The following PRDM11 variants were observed in gnomAD, a reference collection of about 807,000 sequenced individuals.
The protein encoded by PRDM11 is PR domain-containing protein 11.
A neutral mutation model predicts 97.8 loss-of-function variants in PRDM11; 20 were observed. The ratio of observed to expected loss-of-function variants is 0.20; its 90% CI spans 0.14 to 0.30. The LOEUF (loss-of-function observed/expected upper bound fraction) is 0.30. PRDM11 is among the 10% of genes least tolerant of loss of function. PRDM11 has a pLI of 1.00. For synonymous variants in PRDM11, 599 were observed against 637.7 expected (o/e 0.94, Z 0.91); for missense variants, 1,139 against 1,555.2 (o/e 0.73, Z 4.50).
intron 1 of PRDM11, among the ~76,000 whole-genome samples, chr11:45,123,461 G>T (rs201260947): frequency 1.3e-5 from 2 of 149,504 alleles, no homozygotes; most frequent in Non-Finnish European, 3.0e-5. Flanking sequence ...TTCTTCTAGG[G>T]TTTTTTATGG....
chr11:45,113,808 G>A (rs56297027), intron 1 of PRDM11, among the ~76,000 whole-genome samples: 2,433 of 69,736 alleles, frequency 0.035, 94 homozygotes, highest in Admixed American at 0.069. Context: ...GTGTGTGTGT[G>A]TGTGTGTGTG....
intron 1 of PRDM11, among the ~76,000 whole-genome samples, chr11:45,155,623 G>T (rs995811117): frequency 1.3e-5 from 2 of 152,046 alleles, no homozygotes; most frequent in Non-Finnish European, 2.9e-5. Context: ...TGGAGAGGGG[G>T]TGCAGGGGTG....
intron 1 of PRDM11, among the ~76,000 whole-genome samples, chr11:45,163,049 C>A (rs778205179): frequency 6.6e-6 from 1 of 152,178 alleles, no homozygotes; most frequent in African/African-American, 2.4e-5. Flanking sequence ...CTGGGATGCT[C>A]TCAACTGTGT....
At chr11:45,209,226 C>T (rs888967587) in intron 5 of PRDM11, 7 of 420,504 alleles carry the variant, frequency 1.7e-5, no homozygotes, top group Non-Finnish European at 2.9e-5. Flanking sequence ...GTCGGCGCTG[C>T]TCACGGCCCG....
chr11:45,180,251 G>A (rs1469595194), intron 1 of PRDM11, among the ~76,000 whole-genome samples: 2 of 152,240 alleles, frequency 1.3e-5, no homozygotes, highest in Non-Finnish European at 2.9e-5. Context: ...CACCCAGCGG[G>A]GAGTCCCTGG....
chr11:45,138,018 C>A (rs546972689), intron 1 of PRDM11, among the ~76,000 whole-genome samples: 1 of 152,102 alleles, frequency 6.6e-6, no homozygotes. Flanking sequence ...CTACACCACA[C>A]GGGGAAAACA....
Position 45,229,512 on chromosome 11 carries a change from A to T in PRDM11, c.*1353A>T, listed in dbSNP as rs1175193325. The T allele has an allele frequency of 8.1e-6, 1 of 123,342 alleles. No individual in the cohort carries two copies. The highest frequency in any genetic ancestry group is 2.8e-5 in the African/African-American group (1 of 36,288). 7.6% of individuals were successfully genotyped at this position (123,342 alleles called of 1,614,324 possible). The stretch of plus-strand genomic sequence containing the variant: ...CACACACACACACAGACACACACAC[A>T]CACACACAATCACAATATACAATAT... On this transcript the variant is annotated 3_prime_UTR_variant, in exon 8 of 8. Transcript: ENST00000683152.
chr11:45,129,419 T>C (rs1220555575), intron 1 of PRDM11, among the ~76,000 whole-genome samples: 3 of 152,104 alleles, frequency 2.0e-5, no homozygotes, highest in Non-Finnish European at 4.4e-5. Context: ...AAACAAACTA[T>C]TAGAATTAAT....
At chr11:45,149,519 A>G (rs185747049) in intron 1 of PRDM11, among the ~76,000 whole-genome samples, 1 of 152,142 alleles carries the variant, frequency 6.6e-6, no homozygotes, top group African/African-American at 2.4e-5. Flanking sequence ...TCCTCTTACT[A>G]TTTCCGGTTC....
At chr11:45,094,351 C>A (rs976713542), upstream of PRDM11, among the ~76,000 whole-genome samples, 11 of 152,008 alleles carry the variant, frequency 7.2e-5, no homozygotes, top group African/African-American at 2.7e-4. Flanking sequence ...ACAGATGCGA[C>A]CTGCCACCCA....
chr11:45,215,165 G>T (rs1342926419), intron 5 of PRDM11, among the ~76,000 whole-genome samples: 1 of 152,144 alleles, frequency 6.6e-6, no homozygotes, highest in Non-Finnish European at 1.5e-5. Context: ...ACCAATCCAG[G>T]TGTCTGTGTG....
In PRDM11 at chr11:45,233,871, C is replaced by T. The variant is rs1170481507; in HGVS notation, c.*5712C>T. 2.6e-5 allele frequency: 4 copies of T among 152,316 alleles called. No homozygotes were observed. Among genetic ancestry groups the T allele is most frequent in the Non-Finnish European group, 5.9e-5 (4 of 68,104 alleles). 9.4% of individuals were successfully genotyped at this position (152,316 alleles called of 1,614,324 possible). On this transcript the variant is annotated 3_prime_UTR_variant, in exon 8 of 8. Coordinates refer to ENST00000683152, the MANE Select transcript of PRDM11 (RefSeq NM_001384648.1). ...CAGGGCTTTGGCCCAGCCCGCTCCG[C>T]GCAGCAGCTGCTGCTGGCTGTACTC...
chr11:45,222,646 T>C (rs75901004), intron 6 of PRDM11, among the ~76,000 whole-genome samples: 1,880 of 152,306 alleles, frequency 0.012, 20 homozygotes, highest in Middle Eastern at 0.024. Context: ...CCTGAATAGA[T>C]AACTCCCTTT....
At chr11:45,184,564 C>A (rs1487425782) in intron 4 of PRDM11, among the ~76,000 whole-genome samples, 1 of 152,166 alleles carries the variant, frequency 6.6e-6, no homozygotes, top group East Asian at 1.9e-4. Context: ...TAGACATAGA[C>A]TAACTGGCCT....
In PRDM11 at chr11:45,155,747, G is replaced by A. The variant is rs547061152; in HGVS notation, c.-7+8870G>A. On this transcript the variant is annotated intron_variant, in intron 1 of 7. Transcript: ENST00000683152. The stretch of plus-strand genomic sequence containing the variant: ...AGCAAGCTTAGCAGCCAGGGAAACC[G>A]GCAGTCTCTCTTGACCCCAGAGAGG... Among the ~76,000 whole-genome samples, 15 of 151,922 alleles carry A rather than the reference G, an allele frequency of 9.9e-5. No individual in the cohort carries two copies. The South Asian group carries it at 2.3e-3, about 23-fold the overall frequency.
chr11:45,141,058 G>A (rs1851394445), intron 1 of PRDM11, among the ~76,000 whole-genome samples: 1 of 152,150 alleles, frequency 6.6e-6, no homozygotes, highest in African/African-American at 2.4e-5. Context: ...TTACCAGTCT[G>A]CCAAGGTCCT....
chr11:45,219,473 T>A lies in PRDM11; in HGVS notation c.555-97T>A. The A allele has an allele frequency of 1.6e-6, 2 of 1,254,364 alleles. No homozygotes were observed. The highest frequency in any genetic ancestry group is 2.2e-6 in the Non-Finnish European group (2 of 904,728). The allele number at this position is 1,254,364 out of a possible 1,614,324, so 77.7% of individuals were successfully genotyped here. ...CACATGGGCCCACGTGCCTGTGGACTTCTAACCATCCACACTTGCCCAGCA... is the reference window on the plus strand; with the variant it reads ...CACATGGGCCCACGTGCCTGTGGACATCTAACCATCCACACTTGCCCAGCA... On this transcript the variant is annotated intron_variant, in intron 5 of 7. Transcript: ENST00000683152. This position sits in a 1 kb window ranked among gnomAD's most constrained non-coding sequence, Gnocchi z 4.2.
At chr11:45,140,276 C>T (rs1023119741) in intron 1 of PRDM11, among the ~76,000 whole-genome samples, 1 of 152,128 alleles carries the variant, frequency 6.6e-6, no homozygotes, top group African/African-American at 2.4e-5. Context: ...GAAACTGGTC[C>T]CTCACTTTAC....
At chr11:45,189,904 C>T (rs1021246373) in intron 4 of PRDM11, among the ~76,000 whole-genome samples, 10 of 152,070 alleles carry the variant, frequency 6.6e-5, no homozygotes, top group African/African-American at 2.2e-4. Context: ...AGAAAAGGGG[C>T]GTTTGAGACA....
Sources: gnomAD v4.1 joint callset for allele counts (sites outside exome capture counted in the v4.1 genomes callset) on GRCh38, gnomAD v4.1.1 for gene constraint, Gnocchi (gnomAD v3.1) non-coding constraint, MANE v1.5 for transcripts, NCBI Gene and HGNC (gene_info 2026-07-23, HGNC 2026-07-21) for gene names.